The following ORC3 variants were observed in gnomAD, a reference collection of about 807,000 sequenced individuals.
ORC3 encodes homolog of latheo, Drosophila.
A neutral mutation model predicts 100.7 loss-of-function variants in ORC3; 78 were observed. The observed-to-expected ratio is 0.77, with a 90% CI of 0.65 to 0.94. The LOEUF is 0.94. Among genes scored for constraint, ORC3 ranks in the 40% least tolerant of loss-of-function variants. The pLI is 0.00. For synonymous variants in ORC3, 295 were observed against 289.3 expected (o/e 1.02, Z -0.20); for missense variants, 789 against 823.9 (o/e 0.96, Z 0.52).
At chr6:87,628,460 A>G (rs1780081661) in intron 11 of ORC3, among the ~76,000 whole-genome samples, 1 of 152,248 alleles carries the variant, frequency 6.6e-6, no homozygotes, top group African/African-American at 2.4e-5. Context: ...TCTTCATACT[A>G]TGTAGAAAGC....
At chr6:87,664,054 A>C (rs1487509484) in intron 17 of ORC3, among the ~76,000 whole-genome samples, 3 of 152,200 alleles carry the variant, frequency 2.0e-5, no homozygotes, top group African/African-American at 7.2e-5. Flanking sequence ...GTTAATTTTA[A>C]TATATAAACC....
At chr6:87,670,466 G>A (rs914078026), downstream of ORC3, among the ~76,000 whole-genome samples, 11 of 151,856 alleles carry the variant, frequency 7.2e-5, no homozygotes, top group Non-Finnish European at 1.3e-4. Flanking sequence ...GTGCCCAGTC[G>A]AAAACTGCCC....
At chr6:87,672,413 C>T (rs1770854151), downstream of ORC3, among the ~76,000 whole-genome samples, 1 of 152,150 alleles carries the variant, frequency 6.6e-6, no homozygotes, top group Non-Finnish European at 1.5e-5. Context: ...ACTGCTGGAG[C>T]TGTATCTTTG....
At chr6:87,614,404 C>T (rs1779006056) in intron 8 of ORC3, among the ~76,000 whole-genome samples, 1 of 152,242 alleles carries the variant, frequency 6.6e-6, no homozygotes, top group Non-Finnish European at 1.5e-5. Flanking sequence ...AGACCTCTGA[C>T]ATGCCCTGGA....
downstream of ORC3, among the ~76,000 whole-genome samples, chr6:87,671,451 C>T (rs1301045743): frequency 1.3e-5 from 2 of 151,796 alleles, no homozygotes; most frequent in Non-Finnish European, 2.9e-5. Context: ...AAGTTTTAGA[C>T]GTAAATTTCG....
intron 18 of ORC3, among the ~76,000 whole-genome samples, 157 bp from the exon 19 acceptor site, chr6:87,665,597 A>G (rs1412119533): frequency 6.6e-6 from 1 of 152,218 alleles, no homozygotes; most frequent in African/African-American, 2.4e-5. Flanking sequence ...TTAATATATA[A>G]GTGGTTTAAA....
At chr6:87,592,822 A>C (rs1287690348) in intron 1 of ORC3, among the ~76,000 whole-genome samples, 5 of 152,134 alleles carry the variant, frequency 3.3e-5, no homozygotes, top group African/African-American at 1.2e-4. Flanking sequence ...GGCCGGGTGC[A>C]GTGGCTCATG....
At chr6:87,632,403 T>C (rs1767497161) in intron 11 of ORC3, among the ~76,000 whole-genome samples, 1 of 151,922 alleles carries the variant, frequency 6.6e-6, no homozygotes, top group African/African-American at 2.4e-5. Context: ...TCAAAATTAC[T>C]CTTGAAAAAT....
intron 14 of ORC3, among the ~76,000 whole-genome samples, chr6:87,653,611 C>T (rs1769443852): frequency 1.3e-5 from 2 of 152,188 alleles, no homozygotes; most frequent in Non-Finnish European, 2.9e-5. Flanking sequence ...TTAAGCATTT[C>T]ATCAAGTTCT....
At chr6:87,598,587 T>C (rs981418115) in intron 2 of ORC3, among the ~76,000 whole-genome samples, 20 of 152,212 alleles carry the variant, frequency 1.3e-4, no homozygotes, top group African/African-American at 4.1e-4. Flanking sequence ...GATTGGTTTA[T>C]AGTTTTTAGT....
intron 13 of ORC3, among the ~76,000 whole-genome samples, chr6:87,643,282 G>A (rs1768422802): frequency 6.6e-6 from 1 of 152,190 alleles, no homozygotes; most frequent in South Asian, 2.1e-4. Context: ...TCTTTCCCCA[G>A]AGCTTCTGTT....
intron 2 of ORC3, among the ~76,000 whole-genome samples, chr6:87,596,865 G>A (rs1777482438): frequency 6.6e-6 from 1 of 152,120 alleles, no homozygotes; most frequent in Admixed American, 6.5e-5. Context: ...TAATATAATT[G>A]TAGATGCACA....
chr6:87,594,260 T>TA, intron 1 of ORC3, 93 bp from the exon 2 acceptor site: 1 of 817,188 alleles, frequency 1.2e-6, no homozygotes, highest in Non-Finnish European at 1.9e-6. Flanking sequence ...CATCTTTTTT[T>TA]AAAAAAGTGC....
intron 7 of ORC3, chr6:87,609,543 G>T: frequency 5.4e-6 from 1 of 185,726 alleles, no homozygotes; most frequent in East Asian, 1.3e-4. Context: ...GGTTGAGTTT[G>T]TTGTTTTTGT....
At chr6:87,675,485 G>A in the ORC3 span, 4 of 1,477,202 alleles carry the variant, frequency 2.7e-6, no homozygotes, top group Non-Finnish European at 3.8e-6. Flanking sequence ...ACGAAAGCTT[G>A]AAATAACCTG....
chr6:87,656,924 A>C lies in ORC3; in HGVS notation c.1535A>C (p.Asp512Ala), dbSNP rs1435651467. Residue 512 changes from aspartate to alanine, a missense_variant, in exon 15 of 20, where the codon GAT (aspartate) becomes GCT (alanine). Physicochemically the swap from Asp to Ala is moderately radical, Grantham distance 126. This residue lies in a region of ORC3 where 366 missense variants were observed against 394.2 expected (regional missense o/e 0.93). Coordinates refer to ENST00000392844, the MANE Select transcript of ORC3 (RefSeq NM_012381.4). ...QSLDETKEEE[D>A]ASGSQPKGLQ... ...AAAGCAGAAACCAAAGAGGAAGAAG[A>C]TGCTTCTGGGTCACAGCCAAAGGGG... 6.2e-7 allele frequency: 1 copy of C among 1,612,590 alleles called. No homozygotes were observed. Among genetic ancestry groups the C allele is most frequent in the African/African-American group, 1.3e-5 (1 of 74,896 alleles).
downstream of ORC3, among the ~76,000 whole-genome samples, chr6:87,669,033 T>C (rs1222458462): frequency 2.0e-5 from 3 of 152,198 alleles, no homozygotes; most frequent in Non-Finnish European, 2.9e-5. Flanking sequence ...GGCACACGCC[T>C]GTAATCCCAG....
chr6:87,641,739 G>C (rs1768276643), intron 13 of ORC3, among the ~76,000 whole-genome samples: 1 of 152,076 alleles, frequency 6.6e-6, no homozygotes, highest in Admixed American at 6.6e-5. Flanking sequence ...AGCTTTCATT[G>C]AGTAAAAAAA....
downstream of ORC3, chr6:87,667,556 A>G (rs1770731000): frequency 6.5e-6 from 1 of 153,048 alleles, no homozygotes; most frequent in African/African-American, 2.4e-5. Context: ...AATATCTTAC[A>G]GGTTGTTTCT....
Sources: gnomAD v4.1 joint callset for allele counts (sites outside exome capture counted in the v4.1 genomes callset) on GRCh38, gnomAD v4.1.1 for gene constraint, gnomAD v4.1.1 regional missense constraint, MANE v1.5 for transcripts, NCBI Gene and HGNC (gene_info 2026-07-23, HGNC 2026-07-21) for gene names.